The following SEC11C variants were observed in gnomAD, a reference collection of about 807,000 sequenced individuals.
The protein encoded by SEC11C is SEC11 homolog C, signal peptidase complex subunit, also known as signal peptidase complex catalytic subunit SEC11C.
Under a neutral mutation model 21.9 loss-of-function variants are expected in SEC11C, and 10 were observed. The observed-to-expected ratio is 0.46, with a 90% CI of 0.28 to 0.77. The LOEUF (loss-of-function observed/expected upper bound fraction) is 0.77, where lower values mean the gene tolerates loss of function less well. Ranked by LOEUF, SEC11C falls within the 30% of genes least tolerant of loss-of-function variation. SEC11C has a pLI of 0.12. For missense variants in SEC11C, 145 were observed against 244.5 expected (o/e 0.59, Z 2.71); for synonymous variants, 83 against 85.6 (o/e 0.97, Z 0.17).
At chr18:59,152,411 C>G (rs1446127610) in intron 2 of SEC11C, 125 bp from the exon 3 acceptor site, 13 of 984,008 alleles carry the variant, frequency 1.3e-5, no homozygotes, top group African/African-American at 9.8e-5. Context: ...AAGAAGGAAG[C>G]CACATTGGCT....
chr18:59,142,076 C>T (rs955202589), intron 1 of SEC11C, among the ~76,000 whole-genome samples: 8 of 152,042 alleles, frequency 5.3e-5, no homozygotes, highest in Non-Finnish European at 1.0e-4. Context: ...TTCCAGACCG[C>T]AGTCAGCTTG....
At chr18:59,152,070 G>A (rs2069361243) in intron 2 of SEC11C, among the ~76,000 whole-genome samples, 1 of 151,976 alleles carries the variant, frequency 6.6e-6, no homozygotes, top group African/African-American at 2.4e-5. Flanking sequence ...GCATCAGGGC[G>A]GGTCCTGCTC....
At chr18:59,148,998 C>G (rs1234124674) in intron 1 of SEC11C, among the ~76,000 whole-genome samples, 2 of 152,226 alleles carry the variant, frequency 1.3e-5, no homozygotes, top group African/African-American at 2.4e-5. Context: ...TTTAGAGTTT[C>G]TGTTCACTGG....
intron 1 of SEC11C, among the ~76,000 whole-genome samples, chr18:59,140,966 A>G (rs780402834): frequency 1.3e-5 from 2 of 152,190 alleles, no homozygotes; most frequent in Non-Finnish European, 2.9e-5. Flanking sequence ...CACTATTGCT[A>G]CTAATAAATT....
rs369349843 is a variant in SEC11C at position 59,139,935 on chromosome 18, C to T, written c.-14C>T. 1 of 1,529,996 alleles carries T rather than the reference C, an allele frequency of 6.5e-7. No homozygotes were observed. The allele number at this position is 1,529,996 out of a possible 1,614,324, so 94.8% of individuals were successfully genotyped here. On this transcript the variant is annotated 5_prime_UTR_variant, in exon 1 of 6. Transcript: ENST00000587834. Reference sequence around the variant, plus strand: ...CCAGAGCCGGCGGGCCGCTAGGTCCCCGGAGACCCTGCTATGGTGCGTGCG... The same window carrying T: ...CCAGAGCCGGCGGGCCGCTAGGTCCTCGGAGACCCTGCTATGGTGCGTGCG...
Position 59,157,185 on chromosome 18 carries a change from T to G in SEC11C, c.468-423T>G, listed in dbSNP as rs187714050. On this transcript the variant is annotated intron_variant, in intron 4 of 5. Coordinates refer to ENST00000587834, the MANE Select transcript of SEC11C (RefSeq NM_033280.4). ...TTTATTTGTTATATCTGACAAGCAC[T>G]GGGAAATGAAAATAATTATTTGCAT... The G allele has an allele frequency of 1.0e-3, 165 of 160,172 alleles. 1 individual carries two copies. The highest frequency in any genetic ancestry group is 3.8e-3 in the African/African-American group (157 of 41,726). The allele number at this position is 160,172 out of a possible 1,614,324, so 9.9% of individuals were successfully genotyped here.
intron 1 of SEC11C, among the ~76,000 whole-genome samples, chr18:59,142,058 T>G (rs1337468497): frequency 6.7e-6 from 1 of 149,758 alleles, no homozygotes; most frequent in Non-Finnish European, 1.5e-5. Flanking sequence ...ATGGTGGTGG[T>G]TTTTTTTTTC....
chr18:59,141,783 A>C (rs2069213704), intron 1 of SEC11C, among the ~76,000 whole-genome samples: 1 of 152,066 alleles, frequency 6.6e-6, no homozygotes, highest in African/African-American at 2.4e-5. Flanking sequence ...GCTTACTATT[A>C]AAGCAGGACC....
At chr18:59,157,530 T>G in intron 4 of SEC11C, 78 bp from the exon 5 acceptor site, 1 of 950,712 alleles carries the variant, frequency 1.1e-6, no homozygotes, top group Non-Finnish European at 1.7e-6. Context: ...TTAAGACTGA[T>G]CTATAGTGTT....
At chr18:59,140,334 C>A (rs916641222) in intron 1 of SEC11C, among the ~76,000 whole-genome samples, 1 of 152,220 alleles carries the variant, frequency 6.6e-6, no homozygotes. Flanking sequence ...GGAGAGATGA[C>A]TCGGTGAACG....
At chr18:59,143,733 T>C (rs1362378879) in intron 1 of SEC11C, among the ~76,000 whole-genome samples, 2 of 152,234 alleles carry the variant, frequency 1.3e-5, no homozygotes, top group East Asian at 1.9e-4. Context: ...CTCAACATAC[T>C]GTGTTTGGTC....
chr18:59,143,210 G>A (rs932680873), intron 1 of SEC11C, among the ~76,000 whole-genome samples: 2 of 151,650 alleles, frequency 1.3e-5, no homozygotes, highest in South Asian at 2.1e-4. Flanking sequence ...AAAATTAGCC[G>A]GGTGTGGTGG....
Position 59,155,760 on chromosome 18 carries a change from A to G in SEC11C, c.420A>G (p.Glu140=). The G allele has an allele frequency of 1.2e-6, 2 of 1,614,132 alleles. No homozygotes were observed. Among genetic ancestry groups the G allele is most frequent in the African/African-American group, 1.3e-5 (1 of 75,058 alleles). ...TTGATGATAGAGGCTTGTACAAAGAAGGCCAGAACTGGCTGGAAAAGAAGG... is the reference window on the plus strand; with the variant it reads ...TTGATGATAGAGGCTTGTACAAAGAGGGCCAGAACTGGCTGGAAAAGAAGG... The part of the protein sequence containing the change: ...NEVDDRGLYK[E]GQNWLEKKDV... Residue 140 remains glutamate (E), a synonymous_variant, in exon 4 of 6, where the codon GAA becomes GAG. Transcript: ENST00000587834.
chr18:59,148,731 C>G (rs552443197), intron 1 of SEC11C, among the ~76,000 whole-genome samples: 1 of 152,108 alleles, frequency 6.6e-6, no homozygotes, highest in South Asian at 2.1e-4. Flanking sequence ...CTCCTGCCTC[C>G]GGCTCCCAAG....
chr18:59,155,952 T>G, intron 4 of SEC11C, 145 bp downstream of exon 4: 1 of 890,304 alleles, frequency 1.1e-6, no homozygotes, highest in South Asian at 1.6e-5. Context: ...CTGTGAAGAC[T>G]AAATACAACT....
chr18:59,141,079 C>A (rs888692571), intron 1 of SEC11C, among the ~76,000 whole-genome samples: 2 of 152,140 alleles, frequency 1.3e-5, no homozygotes, highest in African/African-American at 4.8e-5. Context: ...TTTGCTCCAT[C>A]ATGTTGAGAT....
chr18:59,155,426 T>G (rs2069407961), intron 3 of SEC11C, among the ~76,000 whole-genome samples: 1 of 152,230 alleles, frequency 6.6e-6, no homozygotes, highest in African/African-American at 2.4e-5. Context: ...AAGCAAATTG[T>G]TGCCCTTGTG....
chr18:59,152,847 TG>T (rs1319102785), intron 3 of SEC11C, 162 bp downstream of exon 3: 1 of 556,566 alleles, frequency 1.8e-6, no homozygotes, highest in African/African-American at 1.9e-5. Context: ...GGATGGGAGT[TG>T]TAGTAGTTAA....
chr18:59,147,723 A>G (rs2069293275), intron 1 of SEC11C: 1 of 148,564 alleles, frequency 6.7e-6, no homozygotes, highest in Non-Finnish European at 1.5e-5. Flanking sequence ...GCAGAGAAGC[A>G]GTGAGACCCC....
Sources: allele counts gnomAD v4.1 joint callset (sites outside exome capture counted in the v4.1 genomes callset), GRCh38; gene constraint gnomAD v4.1.1; transcripts MANE v1.5; gene names NCBI Gene and HGNC (gene_info 2026-07-23, HGNC 2026-07-21).